Variants in PDS5A observed in about 807,000 individuals in gnomAD.
The protein encoded by PDS5A is PDS5 cohesin associated factor A, also known as sister chromatid cohesion protein PDS5 homolog A.
Under a neutral mutation model 167.1 loss-of-function variants are expected in PDS5A, and 42 were observed. The ratio of observed to expected loss-of-function variants is 0.25; its 90% CI spans 0.20 to 0.33. The LOEUF is 0.33. Ranked by LOEUF, PDS5A falls within the 10% of genes least tolerant of loss-of-function variation. The pLI, the probability that PDS5A is intolerant of heterozygous loss-of-function variation, is 1.00. For synonymous variants in PDS5A, 553 were observed against 554.6 expected, an observed-to-expected ratio of 1.00 and a Z score of 0.04; for missense variants, 1,033 against 1,605.9, an observed-to-expected ratio of 0.64 and a Z score of 6.10.
intron 2 of PDS5A, among the ~76,000 whole-genome samples, chr4:39,961,338 G>A (rs891827222): frequency 4.6e-5 from 7 of 151,134 alleles, no homozygotes; most frequent in Non-Finnish European, 8.8e-5. Flanking sequence ...TTGCTATGTC[G>A]CCCAGGCTGA....
intron 2 of PDS5A, among the ~76,000 whole-genome samples, chr4:39,950,188 A>G (rs1043984202): frequency 7.9e-5 from 12 of 152,152 alleles, no homozygotes; most frequent in African/African-American, 2.9e-4. Context: ...GGTGTGAGCC[A>G]CCGCACCCAG....
chr4:39,874,673 G>A (rs1720321158), intron 19 of PDS5A, among the ~76,000 whole-genome samples: 1 of 152,088 alleles, frequency 6.6e-6, no homozygotes, highest in Non-Finnish European at 1.5e-5. Flanking sequence ...AAAATAACAA[G>A]CAACCCTTAA....
chr4:39,849,761 A>G (rs542753437), intron 26 of PDS5A, 109 bp from the exon 27 acceptor site: 5 of 653,450 alleles, frequency 7.7e-6, no homozygotes, highest in East Asian at 5.5e-5. Context: ...AAATAAAATG[A>G]TCAACCTTAA....
chr4:39,917,557 C>CA (rs1230338324), intron 7 of PDS5A, among the ~76,000 whole-genome samples: 1 of 151,992 alleles, frequency 6.6e-6, no homozygotes, highest in South Asian at 2.1e-4. Context: ...AGAAAAATTA[C>CA]AAAGTCTCAA....
chr4:39,838,255 T>C (rs1040985257), intron 31 of PDS5A, 47 bp from the exon 32 acceptor site: 38 of 1,242,462 alleles, frequency 3.1e-5, no homozygotes, highest in Non-Finnish European at 3.9e-5. Context: ...CCTTAAATAT[T>C]AATGATCTCT....
At chr4:39,974,932 G>A (rs1282019176) in intron 2 of PDS5A, among the ~76,000 whole-genome samples, 1 of 151,920 alleles carries the variant, frequency 6.6e-6, no homozygotes, top group Non-Finnish European at 1.5e-5. Flanking sequence ...CCAACATAGT[G>A]AAATCCCATC....
chr4:39,884,120 G>C (rs1312300627), intron 17 of PDS5A, among the ~76,000 whole-genome samples: 2 of 151,018 alleles, frequency 1.3e-5, no homozygotes, highest in Non-Finnish European at 2.9e-5. Flanking sequence ...GTAGGGACGG[G>C]GTTTCACCAT....
chr4:39,858,468 A>G (rs911124630), intron 26 of PDS5A, among the ~76,000 whole-genome samples: 3 of 152,244 alleles, frequency 2.0e-5, no homozygotes, highest in Non-Finnish European at 2.9e-5. Context: ...GGGAAAGAAC[A>G]GTCTCTTCAA....
At chr4:39,859,435 C>CA (rs1208412097) in intron 26 of PDS5A, among the ~76,000 whole-genome samples, 1 of 152,078 alleles carries the variant, frequency 6.6e-6, no homozygotes, top group Non-Finnish European at 1.5e-5. Context: ...TGAGACCCAC[C>CA]ACACCCACCA....
At chr4:39,856,547 G>A (rs936212944) in intron 26 of PDS5A, among the ~76,000 whole-genome samples, 5 of 152,152 alleles carry the variant, frequency 3.3e-5, no homozygotes, top group African/African-American at 9.7e-5. Flanking sequence ...TGGGTGCAGT[G>A]GCTCATGCCT....
intron 27 of PDS5A, 61 bp downstream of exon 27, chr4:39,849,459 A>G: frequency 9.5e-7 from 1 of 1,054,632 alleles, no homozygotes; most frequent in Non-Finnish European, 1.4e-6. Context: ...AAAAAAAACC[A>G]AGTGGGACAA....
intron 11 of PDS5A, among the ~76,000 whole-genome samples, chr4:39,904,837 A>G (rs1560470037): frequency 6.6e-6 from 1 of 152,202 alleles, no homozygotes; most frequent in Non-Finnish European, 1.5e-5. Flanking sequence ...CTTGAAAACT[A>G]TTAATAACCT....
intron 5 of PDS5A, among the ~76,000 whole-genome samples, chr4:39,923,446 T>C (rs1391633941): frequency 6.6e-6 from 1 of 151,852 alleles, no homozygotes; most frequent in Non-Finnish European, 1.5e-5. Context: ...TTAAAAAATG[T>C]CAATTTTAGC....
At chr4:39,926,671 G>T in intron 4 of PDS5A, 104 bp downstream of exon 4, 3 of 779,968 alleles carry the variant, frequency 3.8e-6, no homozygotes, top group Non-Finnish European at 3.7e-6. Flanking sequence ...TTTATTATAG[G>T]CTTTGAATAA....
chr4:39,837,706 TA>T, intron 32 of PDS5A, 149 bp downstream of exon 32: 2 of 570,046 alleles, frequency 3.5e-6, no homozygotes, highest in Non-Finnish European at 6.0e-6. Flanking sequence ...TATGAGATAA[TA>T]ACAGATGCTA....
intron 2 of PDS5A, among the ~76,000 whole-genome samples, chr4:39,937,345 T>C (rs1243208263): frequency 1.4e-5 from 2 of 141,970 alleles, no homozygotes. Context: ...TTATATGTCA[T>C]ATAATTTAAA....
intron 6 of PDS5A, among the ~76,000 whole-genome samples, chr4:39,921,513 A>C (rs2109715212): frequency 6.6e-6 from 1 of 151,128 alleles, no homozygotes; most frequent in South Asian, 2.1e-4. Flanking sequence ...AAACGGGCAG[A>C]TCGCTTGAGC....
chr4:39,898,894 A>T (rs1722642748), intron 14 of PDS5A, 69 bp from the exon 15 acceptor site: 2 of 916,820 alleles, frequency 2.2e-6, no homozygotes, highest in South Asian at 2.9e-5. Flanking sequence ...AACAAAAATC[A>T]ATACTCATTA....
chr4:39,945,458 CAAA>C (rs1210256217), intron 2 of PDS5A, among the ~76,000 whole-genome samples: 5 of 66,816 alleles, frequency 7.5e-5, no homozygotes, highest in Admixed American at 1.9e-4. Flanking sequence ...GAGACTGCCT[CAAA>C]AAAAAAAAAA....
Sources: gnomAD v4.1 joint callset for allele counts (sites outside exome capture counted in the v4.1 genomes callset) on GRCh38, gnomAD v4.1.1 for gene constraint, MANE v1.5 for transcripts, NCBI Gene and HGNC (gene_info 2026-07-23, HGNC 2026-07-21) for gene names.